NID1: variants seen among roughly 807,000 people sequenced by gnomAD.
NID1 encodes nidogen 1.
Under a neutral mutation model 130.6 loss-of-function variants are expected in NID1, and 76 were observed. That is an observed-to-expected ratio of 0.58 (90% confidence interval 0.48 to 0.70). The LOEUF is 0.70. Ranked by LOEUF, NID1 falls within the 30% of genes least tolerant of loss-of-function variation. The probability of loss-of-function intolerance (pLI) is 0.00; values close to 1 mark genes in which losing one functional copy is unlikely to be tolerated. For missense variants in NID1, 1,517 were observed against 1,664.8 expected, an observed-to-expected ratio of 0.91 and a Z score of 1.54; for synonymous variants, 665 against 675.1, an observed-to-expected ratio of 0.98 and a Z score of 0.23.
intron 12 of NID1, among the ~76,000 whole-genome samples, chr1:236,004,140 G>A (rs1355086053): frequency 6.6e-6 from 1 of 152,148 alleles, no homozygotes; most frequent in Non-Finnish European, 1.5e-5. Context: ...TGTTGTGGTG[G>A]GGAAAGAAGC....
chr1:236,063,219 C>G (rs1001746803), intron 1 of NID1, among the ~76,000 whole-genome samples: 1 of 149,436 alleles, frequency 6.7e-6, no homozygotes, highest in Non-Finnish European at 1.5e-5. Context: ...TGCCTGTAAT[C>G]CCAGCACTTT....
chr1:235,986,517 A>T (rs114301658), intron 14 of NID1, among the ~76,000 whole-genome samples: 2 of 152,330 alleles, frequency 1.3e-5, no homozygotes, highest in East Asian at 3.9e-4. Flanking sequence ...ACATTGCAGC[A>T]TGAAACTATA....
intron 15 of NID1, among the ~76,000 whole-genome samples, chr1:235,982,424 A>T (rs957747017): frequency 6.6e-6 from 1 of 152,210 alleles, no homozygotes; most frequent in Non-Finnish European, 1.5e-5. Context: ...GAATGGAAAA[A>T]TAGTTCTATC....
chr1:235,978,972 C>G (rs1657350877), intron 19 of NID1, 23 bp downstream of exon 19: 2 of 1,543,832 alleles, frequency 1.3e-6, no homozygotes, highest in African/African-American at 1.4e-5. Flanking sequence ...AGTATGCCAA[C>G]AGTAACAGCA....
chr1:236,018,025 T>C (rs560895169), intron 9 of NID1, among the ~76,000 whole-genome samples: 1 of 152,304 alleles, frequency 6.6e-6, no homozygotes, highest in African/African-American at 2.4e-5. Flanking sequence ...AATTGAACAA[T>C]TTACAGCTTA....
intron 12 of NID1, among the ~76,000 whole-genome samples, chr1:236,009,923 T>C (rs1000736319): frequency 4.6e-5 from 7 of 152,162 alleles, no homozygotes; most frequent in Non-Finnish European, 8.8e-5. Flanking sequence ...CCTTATTGGT[T>C]TTAACTTTGT....
intron 5 of NID1, among the ~76,000 whole-genome samples, chr1:236,036,269 A>G (rs1659258292): frequency 6.6e-6 from 1 of 152,238 alleles, no homozygotes; most frequent in Non-Finnish European, 1.5e-5. Flanking sequence ...TTTAGAAGTT[A>G]ATAACATCCC....
chr1:236,034,635 G>A (rs1187956409), intron 5 of NID1, among the ~76,000 whole-genome samples: 3 of 152,058 alleles, frequency 2.0e-5, no homozygotes, highest in Non-Finnish European at 2.9e-5. Context: ...AGCGGCTGGG[G>A]GCATTTTGAG....
At chr1:236,026,984 G>GCCTGCCT (rs375068176) in intron 7 of NID1, among the ~76,000 whole-genome samples, 3,114 of 152,136 alleles carry the variant, frequency 0.02, 94 homozygotes, top group African/African-American at 0.069. Flanking sequence ...CAAGTGATCT[G>GCCTGCCT]CCTGCCTCGG....
At chr1:236,032,317 C>A (rs1572607878) in intron 6 of NID1, 84 bp downstream of exon 6, 2 of 1,525,814 alleles carry the variant, frequency 1.3e-6, no homozygotes, top group East Asian at 4.5e-5. Context: ...TCTGCAGACT[C>A]AGAGTTCTCC....
At chr1:236,058,248 G>C (rs1415918569) in intron 1 of NID1, among the ~76,000 whole-genome samples, 2 of 152,190 alleles carry the variant, frequency 1.3e-5, no homozygotes, top group African/African-American at 4.8e-5. Flanking sequence ...TACAACATCA[G>C]TTCACACTGA....
At chr1:236,027,175 G>A (rs1658959399) in intron 7 of NID1, among the ~76,000 whole-genome samples, 1 of 152,126 alleles carries the variant, frequency 6.6e-6, no homozygotes, top group Non-Finnish European at 1.5e-5. Context: ...GAACAGAGGA[G>A]AGGAGAGACA....
chr1:236,019,964 G>C (rs531897776), intron 9 of NID1, among the ~76,000 whole-genome samples: 14 of 151,582 alleles, frequency 9.2e-5, no homozygotes, highest in Admixed American at 5.9e-4. Flanking sequence ...TTGAACCCAG[G>C]GGGTGGAGGT....
rs373912810 is a variant in NID1 at position 236,038,952 on chromosome 1, A to T, written c.1136-699T>A. On this transcript the variant is annotated intron_variant, in intron 4 of 19. Transcript: ENST00000264187. The stretch of plus-strand genomic sequence containing the variant: ...TAATATATATTAAATATAAATATAT[A>T]ACATATATGTGTAACTATATATGTA... Among the ~76,000 whole-genome samples, 118 of 76,958 alleles carry T rather than the reference A, an allele frequency of 1.5e-3. 2 individuals carry two copies. The highest frequency in any genetic ancestry group is 8.5e-3 in the Middle Eastern group (1 of 118). 50.5% of individuals were successfully genotyped at this position (76,958 alleles called of 152,430 possible). A position where few individuals can be genotyped will look rare whatever the true frequency, so the allele number is the denominator to read the frequency against.
intron 15 of NID1, among the ~76,000 whole-genome samples, chr1:235,983,022 G>C (rs1051741106): frequency 1.3e-5 from 2 of 152,068 alleles, no homozygotes; most frequent in Non-Finnish European, 2.9e-5. Flanking sequence ...TTACAGGTGC[G>C]TGCCACCATG....
intron 9 of NID1, among the ~76,000 whole-genome samples, chr1:236,019,191 G>C (rs1327328921): frequency 2.0e-5 from 3 of 152,248 alleles, no homozygotes; most frequent in Non-Finnish European, 4.4e-5. Context: ...GGGAGGCTGT[G>C]GGGGAGGAGT....
chr1:235,990,970 A>G lies in NID1; in HGVS notation c.2844T>C (p.Phe948=). ...GGCGCTCAATCTTCCCAGTCTGGGC[A>G]AAGAGTAAATGGGTCCCAGGAGGCA... ...IPLPPGTHLL[F]AQTGKIERLP... is the part of the protein sequence containing the mutation. The change falls in exon 14 of 20, where the codon TTT becomes TTC. Residue 948 remains phenylalanine, a synonymous_variant. Coordinates refer to ENST00000264187, the MANE Select transcript of NID1 (RefSeq NM_002508.3). The G allele has an allele frequency of 4.3e-6, 7 of 1,614,162 alleles. No homozygotes were observed. Among genetic ancestry groups the G allele is most frequent in the Non-Finnish European group, 5.9e-6 (7 of 1,180,022 alleles).
At chr1:236,009,550 T>C (rs1658346147) in intron 12 of NID1, among the ~76,000 whole-genome samples, 1 of 152,242 alleles carries the variant, frequency 6.6e-6, no homozygotes, top group Non-Finnish European at 1.5e-5. Context: ...GTAGCTTTCT[T>C]ATGTATGTAC....
At chr1:236,022,138 A>T (rs1259470301) in intron 9 of NID1, among the ~76,000 whole-genome samples, 1 of 152,066 alleles carries the variant, frequency 6.6e-6, no homozygotes, top group Non-Finnish European at 1.5e-5. Context: ...GCATGGTGGC[A>T]CACTTGTAGT....
Sources: allele counts gnomAD v4.1 joint callset (sites outside exome capture counted in the v4.1 genomes callset), GRCh38; gene constraint gnomAD v4.1.1; transcripts MANE v1.5; gene names NCBI Gene and HGNC (gene_info 2026-07-23, HGNC 2026-07-21).